Variants in RUFY4 observed in about 807,000 individuals in gnomAD.
RUFY4 encodes the protein RUN and FYVE domain containing 4, also known as RUN and FYVE domain-containing protein 4.
In RUFY4, 73 loss-of-function variants were observed where a neutral mutation model predicts 69.0. The observed-to-expected ratio is 1.06, with a 90% CI of 0.88 to 1.29. RUFY4 has a LOEUF of 1.29. RUFY4 is among the 50% of genes most tolerant of loss of function. The pLI, the probability that RUFY4 is intolerant of heterozygous loss-of-function variation, is 0.00. For missense variants in RUFY4, 770 were observed against 705.6 expected, an observed-to-expected ratio of 1.09 and a Z score of -1.03; for synonymous variants, 287 against 271.8, an observed-to-expected ratio of 1.06 and a Z score of -0.55.
At chr2:218,075,649 C>T (rs1689612423) in exon 7 of RUFY4, 1 of 1,512,390 alleles carries the variant, frequency 6.6e-7, no homozygotes, top group Middle Eastern at 2.0e-4. Flanking sequence ...AAGGAAGACT[C>T]TACCGTGGAG....
chr2:218,089,911 C>A, intron 10 of RUFY4, 41 bp from the exon 13 acceptor site: 1 of 1,439,426 alleles, frequency 6.9e-7, no homozygotes, highest in Non-Finnish European at 9.6e-7. Context: ...GAAGTGCCAG[C>A]TGCAGAGGCC....
At chr2:218,090,248 C>A in exon 11 of RUFY4, 2 of 367,784 alleles carry the variant, frequency 5.4e-6, no homozygotes, top group South Asian at 4.2e-5. Context: ...ACTACCACAA[C>A]GAGCCAGGTG....
At chr2:218,084,104 G>C (rs1426913379) in intron 9 of RUFY4, among the ~76,000 whole-genome samples, 4 of 152,176 alleles carry the variant, frequency 2.6e-5, no homozygotes, top group Admixed American at 6.5e-5. Context: ...GGAAAGCATA[G>C]TTCCTGCCCT....
chr2:218,070,274 C>T (rs747137163), upstream of RUFY4: 4 of 362,458 alleles, frequency 1.1e-5, no homozygotes, highest in African/African-American at 6.3e-5. Context: ...CTCTCCAATC[C>T]CCTGTTTCTC....
intron 2 of RUFY4, among the ~76,000 whole-genome samples, chr2:218,055,810 A>T (rs1173213220): frequency 1.3e-5 from 2 of 152,236 alleles, no homozygotes; most frequent in African/African-American, 2.4e-5. Flanking sequence ...AGATATTTGA[A>T]CTACAAAACT....
At chr2:218,042,941 T>A (rs563404279) in intron 2 of RUFY4, among the ~76,000 whole-genome samples, 2 of 152,172 alleles carry the variant, frequency 1.3e-5, no homozygotes, top group Non-Finnish European at 2.9e-5. Flanking sequence ...ACAAAATAAA[T>A]CTAGTTTTGT....
chr2:218,054,225 A>G (rs2106033276), intron 2 of RUFY4, among the ~76,000 whole-genome samples: 1 of 152,272 alleles, frequency 6.6e-6, no homozygotes, highest in East Asian at 1.9e-4. Context: ...AGACTCTTAC[A>G]AGTACTCTTA....
At chr2:218,079,826 G>A (rs533674857) in intron 8 of RUFY4, among the ~76,000 whole-genome samples, 29 of 152,284 alleles carry the variant, frequency 1.9e-4, no homozygotes, top group Non-Finnish European at 3.7e-4. Flanking sequence ...ATGGCCATGA[G>A]CAGGTGTGGT....
At chr2:218,044,205 T>C (rs1204477062) in intron 2 of RUFY4, among the ~76,000 whole-genome samples, 1 of 152,140 alleles carries the variant, frequency 6.6e-6, no homozygotes, top group African/African-American at 2.4e-5. Flanking sequence ...GCCTGCTCCA[T>C]GGAGCAGAAG....
exon 11 of RUFY4, chr2:218,089,962 G>A (rs1365044146): frequency 1.3e-6 from 2 of 1,560,662 alleles, no homozygotes; most frequent in South Asian, 1.2e-5. Flanking sequence ...GCTCTGTGGA[G>A]GCCTGCTCTG....
chr2:218,078,528 G>T (rs945395485), intron 8 of RUFY4, among the ~76,000 whole-genome samples: 3 of 152,206 alleles, frequency 2.0e-5, no homozygotes, highest in Admixed American at 2.0e-4. Context: ...GGGAGAGCCT[G>T]CGAGGTCATC....
At position 218,048,563 on chromosome 2, in the gene RUFY4, T is replaced by C. The variant is rs192345073; in HGVS notation, c.-1157-10032T>C. On this transcript the variant is annotated intron_variant and NMD_transcript_variant, in intron 2 of 13. Coordinates refer to the RUFY4 transcript ENST00000457754. Reference sequence around the variant, plus strand: ...AGGTTGTTTTCCAGGGTTTTTATAGTGTTTCTTATGTTTCTGAAGATATTA... The same window carrying C: ...AGGTTGTTTTCCAGGGTTTTTATAGCGTTTCTTATGTTTCTGAAGATATTA... Among the ~76,000 whole-genome samples, 514 of 152,278 alleles carry C rather than the reference T, an allele frequency of 3.4e-3. 3 individuals carry two copies. The highest frequency in any genetic ancestry group is 0.011 in the African/African-American group (468 of 41,580).
At chr2:218,078,509 G>A (rs1392808028) in intron 8 of RUFY4, among the ~76,000 whole-genome samples, 1 of 152,178 alleles carries the variant, frequency 6.6e-6, no homozygotes, top group Non-Finnish European at 1.5e-5. Flanking sequence ...GAGCCAAGGA[G>A]GCAGGTTAGG....
chr2:218,039,153 A>C (rs976286124), intron 2 of RUFY4, among the ~76,000 whole-genome samples: 1 of 152,204 alleles, frequency 6.6e-6, no homozygotes, highest in Non-Finnish European at 1.5e-5. Context: ...TATACATGAA[A>C]AGAGAACCCA....
chr2:218,076,384 C>T (rs1022477370), intron 7 of RUFY4, 43 bp from the exon 10 acceptor site: 11 of 1,543,700 alleles, frequency 7.1e-6, no homozygotes, highest in Non-Finnish European at 8.7e-7. Flanking sequence ...GGGGTCTCTG[C>T]CCTTCTCCTT....
upstream of RUFY4, among the ~76,000 whole-genome samples, chr2:218,066,236 C>G: frequency 7.3e-6 from 1 of 137,240 alleles, no homozygotes; most frequent in Admixed American, 8.1e-5. Flanking sequence ...CAGGCTGGAG[C>G]GCAGTGGCAC....
intron 10 of RUFY4, chr2:218,089,651 C>T (rs1193283553): frequency 3.8e-5 from 27 of 702,286 alleles, no homozygotes; most frequent in South Asian, 7.4e-5. Context: ...ATCTGTACAG[C>T]GTAAGCTGCT....
At chr2:218,064,927 C>T (rs932204483), upstream of RUFY4, among the ~76,000 whole-genome samples, 5 of 152,024 alleles carry the variant, frequency 3.3e-5, no homozygotes, top group African/African-American at 1.2e-4. Flanking sequence ...CAGGCTTCTC[C>T]GGGTCCCCCT....
At chr2:218,070,786 A>T in exon 2 of RUFY4, 2 of 1,537,190 alleles carry the variant, frequency 1.3e-6, no homozygotes, top group Non-Finnish European at 1.7e-6. Context: ...GGCTATGGGG[A>T]TGGGCAGGGG....
Sources: allele counts gnomAD v4.1 joint callset (sites outside exome capture counted in the v4.1 genomes callset), GRCh38; gene constraint gnomAD v4.1.1; transcripts MANE v1.5; gene names NCBI Gene and HGNC (gene_info 2026-07-23, HGNC 2026-07-21).